The following VXN variants were observed in gnomAD, a reference collection of about 807,000 sequenced individuals.
VXN encodes the protein uncharacterized protein C8orf46.
In VXN, 7 loss-of-function variants were observed where a neutral mutation model predicts 23.1. That is an observed-to-expected ratio of 0.30 (90% CI 0.17 to 0.57). The LOEUF (loss-of-function observed/expected upper bound fraction) is 0.57, where lower values mean the gene tolerates loss of function less well. Among genes scored for constraint, VXN ranks in the 20% least tolerant of loss-of-function variants. The probability of loss-of-function intolerance (pLI) is 0.91; values close to 1 mark genes in which losing one functional copy is unlikely to be tolerated. For missense variants in VXN, 238 were observed against 272.6 expected (o/e 0.87, Z 0.89); for synonymous variants, 120 against 105.8 (o/e 1.13, Z -0.83).
chr8:66,513,254 C>G (rs769979315), intron 4 of VXN, among the ~76,000 whole-genome samples: 2 of 152,192 alleles, frequency 1.3e-5, no homozygotes, highest in Non-Finnish European at 2.9e-5. Context: ...TTCTCTAGGT[C>G]AGTGGCTCAA....
At chr8:66,498,506 T>TC (rs1156951670) in intron 2 of VXN, among the ~76,000 whole-genome samples, 3 of 152,026 alleles carry the variant, frequency 2.0e-5, no homozygotes, top group Admixed American at 6.6e-5. Flanking sequence ...AATACAGTAG[T>TC]CCCCCCCTTA....
At chr8:66,499,191 A>G (rs973412410) in intron 2 of VXN, among the ~76,000 whole-genome samples, 6 of 149,442 alleles carry the variant, frequency 4.0e-5, no homozygotes, top group Non-Finnish European at 7.4e-5. Flanking sequence ...AGAGCCTGAC[A>G]CATATAAGCA....
chr8:66,516,181 C>G lies in VXN; in HGVS notation c.*105C>G, dbSNP rs1321559339. The G allele has an allele frequency of 9.7e-7, 1 of 1,028,962 alleles. No homozygotes were observed. The highest frequency in any genetic ancestry group is 1.4e-6 in the Non-Finnish European group (1 of 734,190). 63.7% of individuals were successfully genotyped at this position (1,028,962 alleles called of 1,614,324 possible). ...ACACGCACCTCTGCTAGTAGCTGGT[C>G]CAAACCCATTATCCTCCCTCACTCA... On this transcript the variant is annotated 3_prime_UTR_variant, in exon 6 of 6. Transcript: ENST00000305454.
In VXN at chr8:66,510,057, A is replaced by G. The variant is rs761298191; in HGVS notation, c.281-39A>G. 3.8e-6 allele frequency: 6 copies of G among 1,566,912 alleles called. No homozygotes were observed. The South Asian group carries it at 5.5e-5, about 14-fold the overall frequency. ...AGGGCCAGTGGGAGGCAGAACACAG[A>G]GTACCACTGAGTAATATCTCCTCTG... On this transcript the variant is annotated intron_variant, in intron 3 of 5. Transcript: ENST00000305454.
chr8:66,505,445 A>T lies in VXN; in HGVS notation c.197A>T (p.Asp66Val). Residue 66 changes from aspartate (D) to valine (V), a missense_variant, in exon 3 of 6, where the codon GAC (aspartate) becomes GTC (valine). By Grantham distance (152) the Asp-to-Val change is radical. This residue lies in a region of VXN where 223 missense variants were observed against 236.9 expected (regional missense o/e 0.94). Transcript: ENST00000305454. ...CTGCCCCACCGCGGAGACCGCAGGG[A>T]CCCTGGCGACCGCCGCAGGTTTGGG... ...ELLPHRGDRR[D>V]PGDRRRFGRL... The T allele has an allele frequency of 6.4e-7, 1 of 1,574,526 alleles. No homozygotes were observed. The highest frequency in any genetic ancestry group is 8.6e-7 in the Non-Finnish European group (1 of 1,160,724).
rs1443168687 is a variant in VXN at position 66,515,138 on chromosome 8, TGCTGGTGTAA to T, written c.441-754_441-745del. Among the ~76,000 whole-genome samples the T allele has an allele frequency of 6.6e-5, 10 of 152,376 alleles. 1 individual carries two copies. The East Asian group carries it at 1.9e-3, about 29-fold the overall frequency. On this transcript the variant is annotated intron_variant, in intron 5 of 5. Coordinates refer to ENST00000305454, the MANE Select transcript of VXN (RefSeq NM_152765.4). ...TTAAGTGGCAATAGCTGTTGCTGGC[TGCTGGTGTAA>T]ACCAGCAAAAATTTCACTGTGCCAT...
At chr8:66,502,834 G>A (rs1361952025) in intron 2 of VXN, among the ~76,000 whole-genome samples, 1 of 150,590 alleles carries the variant, frequency 6.6e-6, no homozygotes, top group East Asian at 1.9e-4. Flanking sequence ...CTATCTGGAT[G>A]TAGGCTGTTC....
intron 2 of VXN, among the ~76,000 whole-genome samples, chr8:66,497,103 T>G (rs558520054): frequency 3.3e-5 from 5 of 152,314 alleles, no homozygotes; most frequent in African/African-American, 1.2e-4. Context: ...CAGGATGGTC[T>G]CGATCTCCTG....
intron 5 of VXN, 113 bp downstream of exon 5, chr8:66,513,750 A>G: frequency 1.4e-6 from 1 of 733,514 alleles, no homozygotes; most frequent in Non-Finnish European, 2.3e-6. Context: ...GGCCAACACA[A>G]ACCCATGCCA....
chr8:66,494,602 G>A (rs1325250396), intron 1 of VXN: 1 of 152,236 alleles, frequency 6.6e-6, no homozygotes, highest in African/African-American at 2.4e-5. Flanking sequence ...ATTGCACAGT[G>A]GGGCAGGGAG....
At chr8:66,510,074 T>C in intron 3 of VXN, 22 bp from the exon 4 acceptor site, 10 of 1,607,452 alleles carry the variant, frequency 6.2e-6, no homozygotes, top group Non-Finnish European at 8.5e-6. Flanking sequence ...CTGAGTAATA[T>C]CTCCTCTGTT....
intron 1 of VXN, chr8:66,494,773 G>C (rs1198412013): frequency 2.6e-5 from 4 of 152,178 alleles, no homozygotes; most frequent in Non-Finnish European, 2.9e-5. Context: ...TTGACCCTCG[G>C]AATCAGCAGT....
intron 4 of VXN, chr8:66,510,441 G>A (rs1389126925): frequency 6.2e-6 from 2 of 322,874 alleles, no homozygotes; most frequent in East Asian, 7.1e-5. Flanking sequence ...ATGGTGAGGG[G>A]TGGGGGCAGG....
intron 3 of VXN, among the ~76,000 whole-genome samples, chr8:66,506,232 AGTGTGTGTGTGTGTGT>A (rs61613088): frequency 0.011 from 1,493 of 140,434 alleles, 32 homozygotes; most frequent in African/African-American, 0.037. Flanking sequence ...AGAGAGAGAC[AGTGTGTGTGTGTGTGT>A]GTGTGTGTGT....
At chr8:66,502,716 T>G (rs1368470793) in intron 2 of VXN, among the ~76,000 whole-genome samples, 4 of 151,786 alleles carry the variant, frequency 2.6e-5, no homozygotes, top group Non-Finnish European at 5.9e-5. Flanking sequence ...CACACTGCAC[T>G]CCAGCCTGGG....
intron 5 of VXN, 77 bp from the exon 6 acceptor site, chr8:66,515,816 C>A: frequency 1.5e-6 from 2 of 1,300,916 alleles, no homozygotes; most frequent in African/African-American, 1.5e-5. Flanking sequence ...GAGCTCTGGC[C>A]ACTCTTCTTA....
intron 2 of VXN, among the ~76,000 whole-genome samples, chr8:66,502,560 A>G (rs1331555130): frequency 6.6e-6 from 1 of 152,102 alleles, no homozygotes; most frequent in African/African-American, 2.4e-5. Flanking sequence ...CAGCCTGACC[A>G]ATATGGTGAA....
chr8:66,501,313 G>A (rs138226278), intron 2 of VXN: 5 of 152,310 alleles, frequency 3.3e-5, no homozygotes, highest in African/African-American at 4.8e-5. Context: ...GGCAAGCACT[G>A]TATGCCTTTT....
intron 5 of VXN, among the ~76,000 whole-genome samples, 157 bp from the exon 6 acceptor site, chr8:66,515,736 C>G (rs1377336438): frequency 6.6e-6 from 1 of 152,206 alleles, no homozygotes; most frequent in African/African-American, 2.4e-5. Flanking sequence ...GGAAGACGTT[C>G]CTGTGAGGGT....
Sources: gnomAD v4.1 joint callset for allele counts (sites outside exome capture counted in the v4.1 genomes callset) on GRCh38, gnomAD v4.1.1 for gene constraint, gnomAD v4.1.1 regional missense constraint, MANE v1.5 for transcripts, NCBI Gene and HGNC (gene_info 2026-07-23, HGNC 2026-07-21) for gene names.